Variants in CREB1 observed in about 807,000 individuals in gnomAD.
CREB1 encodes the protein cAMP responsive element binding protein 1, also known as cyclic AMP-responsive element-binding protein 1.
Under a neutral mutation model 42.0 loss-of-function variants are expected in CREB1, and 2 were observed. The observed-to-expected ratio is 0.05, with a 90% confidence interval of 0.02 to 0.15. CREB1 has a LOEUF of 0.15. Among genes scored for constraint, CREB1 ranks in the 10% least tolerant of loss-of-function variants. The pLI, the probability that CREB1 is intolerant of heterozygous loss-of-function variation, is 1.00. For missense variants in CREB1, 199 were observed against 388.9 expected, an observed-to-expected ratio of 0.51 and a Z score of 4.11; for synonymous variants, 123 against 139.9, an observed-to-expected ratio of 0.88 and a Z score of 0.85.
At chr2:207,596,530 T>C (rs1036115333) in intron 7 of CREB1, among the ~76,000 whole-genome samples, 2 of 152,158 alleles carry the variant, frequency 1.3e-5, no homozygotes, top group Non-Finnish European at 2.9e-5. Context: ...GCCTCCCAGG[T>C]TCAAGCGATG....
At chr2:207,567,291 T>G (rs79627595) in intron 3 of CREB1, among the ~76,000 whole-genome samples, 172 bp from the exon 4 acceptor site, 267 of 152,246 alleles carry the variant, frequency 1.8e-3, no homozygotes, top group Non-Finnish European at 3.1e-3. Flanking sequence ...TCGTAGTTTA[T>G]AGGGTAAGTA....
rs1262307184 is a variant in CREB1 at position 207,602,731 on chromosome 2, GTGTA to G, written c.*5678_*5681del. The G allele has an allele frequency of 1.2e-4, 26 of 210,764 alleles. No individual in the cohort carries two copies. Among genetic ancestry groups the G allele is most frequent in the African/African-American group, 5.4e-4 (24 of 44,104 alleles). The allele number at this position is 210,764 out of a possible 1,614,324, so 13.1% of individuals were successfully genotyped here. Reference sequence around the variant, plus strand: ...TTTTATCCAAGTGCCACTCCAATTTGTGTATGTAATAAAATTATTTATATTAAAA... The same window carrying G: ...TTTTATCCAAGTGCCACTCCAATTTGTGTAATAAAATTATTTATATTAAAA... On this transcript the variant is annotated 3_prime_UTR_variant, in exon 8 of 8. Coordinates refer to ENST00000353267, the MANE Select transcript of CREB1 (RefSeq NM_004379.5).
At chr2:207,564,205 G>A (rs1183823820) in intron 3 of CREB1, among the ~76,000 whole-genome samples, 1 of 152,038 alleles carries the variant, frequency 6.6e-6, no homozygotes, top group Admixed American at 6.6e-5. Flanking sequence ...TAGACTTTCA[G>A]TAAGCTTCTT....
chr2:207,598,303 G>A lies in CREB1; in HGVS notation c.*1245G>A, dbSNP rs2086498862. On this transcript the variant is annotated 3_prime_UTR_variant, in exon 8 of 8. Coordinates refer to ENST00000353267, the MANE Select transcript of CREB1 (RefSeq NM_004379.5). ...TTACAAAACATTTTTTTGTTCTCTT[G>A]TAAAAAGAGTAGTTATTAGTTCTGC... is the stretch of plus-strand genomic sequence containing the variant. 1 of 183,084 alleles carries A rather than the reference G, an allele frequency of 5.5e-6. No individual in the cohort carries two copies. Among genetic ancestry groups the A allele is most frequent in the African/African-American group, 2.4e-5 (1 of 42,532 alleles). 11.3% of individuals were successfully genotyped at this position (183,084 alleles called of 1,614,324 possible). A position where few individuals can be genotyped will look rare whatever the true frequency, so the allele number is the denominator to read the frequency against.
At position 207,602,807 on chromosome 2, in the gene CREB1, G is replaced by A. The variant is rs1482844756; in HGVS notation, c.*5749G>A. ...TTTTTTTGAGTATAGATTTATTAGGGGTGGCAAAGAAGAGTGCTAGTTAGC... is the reference window on the plus strand; with the variant it reads ...TTTTTTTGAGTATAGATTTATTAGGAGTGGCAAAGAAGAGTGCTAGTTAGC... On this transcript the variant is annotated 3_prime_UTR_variant, in exon 8 of 8. Transcript: ENST00000353267. 2.8e-5 allele frequency: 6 copies of A among 217,640 alleles called. No homozygotes were observed. In the South Asian group the frequency reaches 1.1e-3, roughly 40 times the overall value. 13.5% of individuals were successfully genotyped at this position (217,640 alleles called of 1,614,324 possible).
chr2:207,563,628 G>A (rs2082032546), intron 3 of CREB1, among the ~76,000 whole-genome samples: 1 of 152,156 alleles, frequency 6.6e-6, no homozygotes, highest in Non-Finnish European at 1.5e-5. Context: ...CTTAGAATCT[G>A]ACTTCTAAAT....
chr2:207,596,910 G>A lies in CREB1; in HGVS notation c.840-4G>A. 2.5e-6 allele frequency: 4 copies of A among 1,603,402 alleles called. No homozygotes were observed. The highest frequency in any genetic ancestry group is 1.7e-6 in the Non-Finnish European group (2 of 1,177,304). Reference sequence around the variant, plus strand: ...TAATTTTTCCCGTCCTCTTTTGCTTGTAGGGAAGCAGCTCGAGAGTGTCGT... The same window carrying A: ...TAATTTTTCCCGTCCTCTTTTGCTTATAGGGAAGCAGCTCGAGAGTGTCGT... On this transcript the variant is annotated splice_polypyrimidine_tract_variant and splice_region_variant and intron_variant, in intron 7 of 7. Coordinates refer to ENST00000353267, the MANE Select transcript of CREB1 (RefSeq NM_004379.5).
intron 3 of CREB1, among the ~76,000 whole-genome samples, chr2:207,565,418 G>T: frequency 6.6e-6 from 1 of 151,342 alleles, no homozygotes; most frequent in East Asian, 1.9e-4. Flanking sequence ...AAAGTTGCAA[G>T]CACTAAATAG....
chr2:207,546,221 G>C (rs543224607), intron 1 of CREB1, among the ~76,000 whole-genome samples: 1 of 152,018 alleles, frequency 6.6e-6, no homozygotes, highest in Non-Finnish European at 1.5e-5. Context: ...CACCAGGTTG[G>C]TGAAAAACAG....
At chr2:207,575,549 C>A in intron 6 of CREB1, 95 bp downstream of exon 6, 1 of 1,051,332 alleles carries the variant, frequency 9.5e-7, no homozygotes, top group Non-Finnish European at 1.4e-6. Context: ...TTGCAAACCA[C>A]CATTCAAATG....
At chr2:207,557,043 G>C (rs893456847) in intron 2 of CREB1, among the ~76,000 whole-genome samples, 2 of 152,076 alleles carry the variant, frequency 1.3e-5, no homozygotes, top group African/African-American at 4.8e-5. Flanking sequence ...AAGGCTGAGG[G>C]AGGAGAATTG....
intron 1 of CREB1, among the ~76,000 whole-genome samples, chr2:207,542,676 A>C (rs944436999): frequency 3.3e-5 from 5 of 152,078 alleles, no homozygotes; most frequent in Non-Finnish European, 7.4e-5. Context: ...CGGTTCATCT[A>C]ATTTTTCTTT....
intron 1 of CREB1, among the ~76,000 whole-genome samples, chr2:207,553,832 T>C (rs2081610882): frequency 6.6e-6 from 1 of 152,238 alleles, no homozygotes; most frequent in Non-Finnish European, 1.5e-5. Context: ...ATTCTGTTTC[T>C]CTGTTCAGAG....
intron 7 of CREB1, among the ~76,000 whole-genome samples, chr2:207,588,849 T>C (rs2084406652): frequency 7.0e-6 from 1 of 143,694 alleles, no homozygotes; most frequent in African/African-American, 2.5e-5. Context: ...TTTTATCCTA[T>C]GACCATTCTA....
chr2:207,573,737 GA>G (rs1485316554), intron 5 of CREB1, among the ~76,000 whole-genome samples: 1 of 151,994 alleles, frequency 6.6e-6, no homozygotes, highest in Non-Finnish European at 1.5e-5. Context: ...TGTCTCAAAA[GA>G]AAAAAATTAA....
rs13393250 is a variant in CREB1 at position 207,574,404 on chromosome 2, G to T, written c.506-868G>T. On this transcript the variant is annotated intron_variant, in intron 5 of 7. Transcript: ENST00000353267. ...AGGATATTGCCACCTATCTAAAAAT[G>T]CTTCTTCCAAATAAATCATCTAATT... Among the ~76,000 whole-genome samples the T allele has an allele frequency of 7.0e-3, 1,064 of 152,284 alleles. 8 individuals are homozygous for T. The highest frequency in any genetic ancestry group is 0.024 in the African/African-American group (997 of 41,562).
In CREB1 at chr2:207,575,741, G is replaced by A. The variant is rs146129251; in HGVS notation, c.688+287G>A. 3.2e-3 allele frequency among the ~76,000 whole-genome samples: 491 copies of A among 152,232 alleles called. 4 individuals are homozygous for A. The highest frequency in any genetic ancestry group is 0.011 in the African/African-American group (460 of 41,536). ...AGAAGGAAAGACCAGGAAATCAGGA[G>A]TTAGAAAAGATGGATTCTGTATCTA... On this transcript the variant is annotated intron_variant, in intron 6 of 7. Coordinates refer to ENST00000353267, the MANE Select transcript of CREB1 (RefSeq NM_004379.5).
rs1575082086 is a variant in CREB1 at position 207,604,274 on chromosome 2, G to A, written c.*7216G>A. ...GATCCATTTCTAGTTTTAGTGTTTC[G>A]CCACTGAAGACTTAACATATGTCTT... is the stretch of plus-strand genomic sequence containing the variant. On this transcript the variant is annotated 3_prime_UTR_variant, in exon 8 of 8. Transcript: ENST00000353267. Among the ~76,000 whole-genome samples the A allele has an allele frequency of 6.6e-6, 1 of 152,130 alleles. No individual in the cohort carries two copies. Among genetic ancestry groups the A allele is most frequent in the African/African-American group, 2.4e-5 (1 of 41,426 alleles).
chr2:207,536,716 G>A (rs752553259), intron 1 of CREB1, among the ~76,000 whole-genome samples: 4 of 151,956 alleles, frequency 2.6e-5, no homozygotes, highest in East Asian at 1.9e-4. Context: ...TTGGCCAGGC[G>A]TGGTGGCTCA....
Sources: allele counts gnomAD v4.1 joint callset (sites outside exome capture counted in the v4.1 genomes callset), GRCh38; gene constraint gnomAD v4.1.1; transcripts MANE v1.5; gene names NCBI Gene and HGNC (gene_info 2026-07-23, HGNC 2026-07-21).